OTUD4: variants seen among roughly 807,000 people sequenced by gnomAD.
OTUD4 encodes the protein OTU domain-containing protein 4.
OTUD4 carries 24 observed loss-of-function variants against 130.4 expected under a neutral mutation model. That is an observed-to-expected ratio of 0.18 (90% CI 0.13 to 0.26). The LOEUF (loss-of-function observed/expected upper bound fraction) is 0.26. OTUD4 is among the 10% of genes least tolerant of loss of function. OTUD4 has a pLI of 1.00. For missense variants in OTUD4, 1,031 were observed against 1,329.4 expected, an observed-to-expected ratio of 0.78 and a Z score of 3.49; for synonymous variants, 420 against 472.5, an observed-to-expected ratio of 0.89 and a Z score of 1.44.
chr4:145,134,832 A>G lies in OTUD4; in HGVS notation c.*2598T>C. The G allele has an allele frequency of 2.5e-6, 1 of 398,892 alleles. No individual in the cohort carries two copies. The highest frequency in any genetic ancestry group is 4.4e-6 in the Non-Finnish European group (1 of 226,022). 24.7% of individuals were successfully genotyped at this position (398,892 alleles called of 1,614,324 possible). A position where few individuals can be genotyped will look rare whatever the true frequency, so the allele number is the denominator to read the frequency against. ...GTTCAGCCAAAGCACCTAACACAAA[A>G]AACAGGTGAGCTTTGGTCAGTCTGT... On this transcript the variant is annotated 3_prime_UTR_variant, in exon 21 of 21. Transcript: ENST00000447906.
intron 20 of OTUD4, 112 bp from the exon 21 acceptor site, chr4:145,138,762 AC>A: frequency 1.2e-6 from 1 of 844,902 alleles, no homozygotes; most frequent in Non-Finnish European, 1.8e-6. Context: ...GCCTACAAAG[AC>A]CATATAATCT....
chr4:145,168,413 T>TAAAAAAAAAAAAA (rs11432018), intron 3 of OTUD4, among the ~76,000 whole-genome samples: 2 of 122,862 alleles, frequency 1.6e-5, no homozygotes, highest in Non-Finnish European at 3.3e-5. Context: ...AATAAAAAAT[T>TAAAAAAAAAAAAA]AAAAAAAAAA....
intron 19 of OTUD4, among the ~76,000 whole-genome samples, chr4:145,140,371 TA>T (rs1750501609): frequency 6.6e-6 from 1 of 152,206 alleles, no homozygotes; most frequent in South Asian, 2.1e-4. Flanking sequence ...AAACCTAACT[TA>T]TTAGTAGCAT....
At chr4:145,168,372 T>A (rs1218356939) in intron 3 of OTUD4, among the ~76,000 whole-genome samples, 1 of 128,726 alleles carries the variant, frequency 7.8e-6, no homozygotes, top group Non-Finnish European at 1.6e-5. Context: ...AGAGCAAAAC[T>A]CTGCCTCAAA....
chr4:145,135,318 T>A lies in OTUD4; in HGVS notation c.*2112A>T, dbSNP rs1235909279. On this transcript the variant is annotated 3_prime_UTR_variant, in exon 21 of 21. Coordinates refer to ENST00000447906, the MANE Select transcript of OTUD4 (RefSeq NM_001366057.1). ...AGGTAAGACAAAGTGACAATGAAGA[T>A]ATGAGTAGTATTTCCTTCCAATTTT... 6.5e-6 allele frequency: 1 copy of A among 153,082 alleles called. No homozygotes were observed. Among genetic ancestry groups the A allele is most frequent in the African/African-American group, 2.4e-5 (1 of 41,488 alleles). 9.5% of individuals were successfully genotyped at this position (153,082 alleles called of 1,614,324 possible).
At chr4:145,142,747 T>C (rs1033167310) in intron 17 of OTUD4, among the ~76,000 whole-genome samples, 1 of 152,258 alleles carries the variant, frequency 6.6e-6, no homozygotes, top group South Asian at 2.1e-4. Context: ...CATTGAAATC[T>C]TGAAATTCAT....
At chr4:145,173,027 T>C (rs1752252915) in intron 2 of OTUD4, among the ~76,000 whole-genome samples, 1 of 152,212 alleles carries the variant, frequency 6.6e-6, no homozygotes, top group South Asian at 2.1e-4. Flanking sequence ...TGAAACTGCT[T>C]GAAGGTTCAT....
At chr4:145,142,087 G>A (rs533932138) in intron 18 of OTUD4, 109 bp downstream of exon 18, 2 of 886,344 alleles carry the variant, frequency 2.3e-6, no homozygotes, top group East Asian at 4.8e-5. Context: ...AGCTCTGTGA[G>A]GCTCCACACA....
At chr4:145,160,994 A>C (rs1751533503) in intron 6 of OTUD4, among the ~76,000 whole-genome samples, 1 of 151,316 alleles carries the variant, frequency 6.6e-6, no homozygotes, top group African/African-American at 2.4e-5. Flanking sequence ...TCTGTAATCC[A>C]AGCTACTCGG....
chr4:145,141,731 G>T lies in OTUD4; in HGVS notation c.1823-92C>A, dbSNP rs36226680. The T allele has an allele frequency of 1.0e-3, 1,168 of 1,158,694 alleles. 5 individuals are homozygous for T. The African/African-American group carries it at 0.014, about 14-fold the overall frequency. The allele number at this position is 1,158,694 out of a possible 1,614,324, so 71.8% of individuals were successfully genotyped here. A position where few individuals can be genotyped will look rare whatever the true frequency, so the allele number is the denominator to read the frequency against. Reference sequence around the variant, plus strand: ...AACCTATAAAGAATGCTGTATAACTGATAAAGCCAATCTAAAGTAGTACCT... The same window carrying T: ...AACCTATAAAGAATGCTGTATAACTTATAAAGCCAATCTAAAGTAGTACCT... On this transcript the variant is annotated intron_variant, in intron 18 of 20. Coordinates refer to ENST00000447906, the MANE Select transcript of OTUD4 (RefSeq NM_001366057.1).
chr4:145,158,195 A>G (rs909363612), intron 7 of OTUD4, among the ~76,000 whole-genome samples: 1 of 152,176 alleles, frequency 6.6e-6, no homozygotes, highest in Non-Finnish European at 1.5e-5. Context: ...ACAAATCAAG[A>G]GATATACAGG....
At chr4:145,178,757 G>A (rs1218641366) in intron 1 of OTUD4, among the ~76,000 whole-genome samples, 1 of 152,106 alleles carries the variant, frequency 6.6e-6, no homozygotes, top group African/African-American at 2.4e-5. Context: ...AGAACAGACT[G>A]GCCTCCACAT....
intron 10 of OTUD4, 63 bp downstream of exon 10, chr4:145,155,348 G>C (rs2126769652): frequency 7.6e-6 from 10 of 1,309,838 alleles, no homozygotes; most frequent in Non-Finnish European, 1.1e-5. Flanking sequence ...TGTTTTCTCT[G>C]TTTGTATTAG....
intron 4 of OTUD4, 27 bp from the exon 5 acceptor site, chr4:145,164,253 A>C: frequency 4.1e-6 from 4 of 983,542 alleles, no homozygotes; most frequent in Non-Finnish European, 6.2e-6. Flanking sequence ...GAAATTATTT[A>C]TAATGGACTA....
chr4:145,155,670 C>T lies in OTUD4; in HGVS notation c.707G>A (p.Gly236Glu), dbSNP rs763918928. 4.4e-6 allele frequency: 7 copies of T among 1,601,966 alleles called. No individual in the cohort carries two copies. In the Admixed American group the frequency reaches 5.2e-5, roughly 12 times the overall value. The change falls in exon 9 of 21, where the codon GGG (glycine) becomes GAG (glutamate). Residue 236 changes from glycine to glutamate, a missense_variant. By Grantham distance (98) the Gly-to-Glu change is moderately conservative. Around this residue, in one of 3 missense-constraint regions of OTUD4, gnomAD observed 900 missense variants for 1,095.9 expected, o/e 0.82. Coordinates refer to ENST00000447906, the MANE Select transcript of OTUD4 (RefSeq NM_001366057.1). Reference protein sequence around the residue: ...LSGNEQLKNNGNSTSLPLSRK... With the variant: ...LSGNEQLKNNENSTSLPLSRK... Reference sequence around the variant, plus strand: ...AGACAAAGGCAGGCTAGTAGAGTTCCCATTGTTCTTCAGCTGCTAAACAAA... The same window carrying T: ...AGACAAAGGCAGGCTAGTAGAGTTCTCATTGTTCTTCAGCTGCTAAACAAA...
intron 17 of OTUD4, among the ~76,000 whole-genome samples, chr4:145,142,824 A>G (rs961756093): frequency 6.6e-6 from 1 of 152,254 alleles, no homozygotes; most frequent in Non-Finnish European, 1.5e-5. Flanking sequence ...GTTGGTTGAA[A>G]GGCATTTAAC....
chr4:145,180,421 CCCCA>C lies in OTUD4; in HGVS notation c.-452_-449del, dbSNP rs1752640070. ...AGCGGGGCCTGCGCCCCCGCGCACT[CCCCA>C]CGCCGGGAGCCGAGGAAACCAAAAA... is the stretch of plus-strand genomic sequence containing the variant. On this transcript the variant is annotated 5_prime_UTR_variant, in exon 1 of 21. Coordinates refer to ENST00000447906, the MANE Select transcript of OTUD4 (RefSeq NM_001366057.1). Among the ~76,000 whole-genome samples the C allele has an allele frequency of 2.6e-5, 4 of 152,326 alleles. No homozygotes were observed. The highest frequency in any genetic ancestry group is 4.4e-5 in the Non-Finnish European group (3 of 68,014).
chr4:145,145,936 T>A (rs559813328), intron 14 of OTUD4, among the ~76,000 whole-genome samples: 1 of 152,188 alleles, frequency 6.6e-6, no homozygotes, highest in Non-Finnish European at 1.5e-5. Flanking sequence ...GATCTTGTAA[T>A]GGATTAACTA....
intron 6 of OTUD4, among the ~76,000 whole-genome samples, chr4:145,160,904 G>T (rs36225152): frequency 2.2e-4 from 34 of 152,186 alleles, no homozygotes; most frequent in African/African-American, 8.2e-4. Flanking sequence ...GAGGTCAGGG[G>T]TTTAAGACCA....
Sources: gnomAD v4.1 joint callset for allele counts (sites outside exome capture counted in the v4.1 genomes callset) on GRCh38, gnomAD v4.1.1 for gene constraint, gnomAD v4.1.1 regional missense constraint, MANE v1.5 for transcripts, NCBI Gene and HGNC (gene_info 2026-07-23, HGNC 2026-07-21) for gene names.